Variants in MIGA1 observed in about 807,000 individuals in gnomAD.
MIGA1 encodes the protein family with sequence similarity 73, member A.
Under a neutral mutation model 82.0 loss-of-function variants are expected in MIGA1, and 58 were observed. The observed-to-expected ratio is 0.71, with a 90% CI of 0.57 to 0.88. MIGA1 has a LOEUF of 0.88. Ranked by LOEUF, MIGA1 falls within the 40% of genes least tolerant of loss-of-function variation. MIGA1 has a pLI of 0.00. For missense variants in MIGA1, 751 were observed against 749.1 expected (o/e 1.00, Z -0.03); for synonymous variants, 249 against 253.6 (o/e 0.98, Z 0.17).
chr1:77,858,115 T>A (rs1685331706), intron 8 of MIGA1, among the ~76,000 whole-genome samples: 1 of 152,182 alleles, frequency 6.6e-6, no homozygotes, highest in African/African-American at 2.4e-5. Flanking sequence ...TTTGGGAGGC[T>A]GAGGCAGGCG....
At position 77,813,961 on chromosome 1, in the gene MIGA1, C is replaced by G. The variant is rs996878221; in HGVS notation, c.771+94C>G. On this transcript the variant is annotated intron_variant, in intron 6 of 15. Coordinates refer to ENST00000370791, the MANE Select transcript of MIGA1 (RefSeq NM_198549.4). ...TAGAGGTAGGGTCTCACTGTTGTTA[C>G]CCAGGCTGAGTCTTGAACTCCTGGG... The G allele has an allele frequency of 9.6e-6, 13 of 1,355,218 alleles. No individual in the cohort carries two copies. In the Admixed American group the frequency reaches 1.6e-4, roughly 17 times the overall value. The allele number at this position is 1,355,218 out of a possible 1,614,324, so 83.9% of individuals were successfully genotyped here. A position where few individuals can be genotyped will look rare whatever the true frequency, so the allele number is the denominator to read the frequency against.
chr1:77,785,273 A>G (rs561901043), intron 2 of MIGA1, among the ~76,000 whole-genome samples: 84 of 152,264 alleles, frequency 5.5e-4, no homozygotes, highest in African/African-American at 1.9e-3. Flanking sequence ...GCTATTCCGA[A>G]TGGGAAAAAT....
intron 8 of MIGA1, chr1:77,848,414 T>G: frequency 1.1e-6 from 1 of 913,830 alleles, no homozygotes; most frequent in South Asian, 1.6e-5. Flanking sequence ...AAGAAAGATA[T>G]GAAAATAATG....
chr1:77,833,038 T>G (rs1684299391), intron 7 of MIGA1, among the ~76,000 whole-genome samples: 1 of 152,202 alleles, frequency 6.6e-6, no homozygotes. Context: ...TTATTCTTCT[T>G]TTTTGGTAAG....
At position 77,788,995 on chromosome 1, in the gene MIGA1, G is replaced by A. The variant is rs182143941; in HGVS notation, c.195+5644G>A. Among the ~76,000 whole-genome samples, 96 of 152,040 alleles carry A rather than the reference G, an allele frequency of 6.3e-4. 1 individual carries two copies. In the East Asian group the frequency reaches 0.014, roughly 23 times the overall value. ...TGCATTGAATCTGTAGATTGCTTTG[G>A]GTAGTATTGACATCTTAACAATGTT... On this transcript the variant is annotated intron_variant, in intron 2 of 15. Coordinates refer to ENST00000370791, the MANE Select transcript of MIGA1 (RefSeq NM_198549.4).
At chr1:77,824,392 G>A (rs921605458) in intron 7 of MIGA1, among the ~76,000 whole-genome samples, 7 of 151,950 alleles carry the variant, frequency 4.6e-5, no homozygotes, top group African/African-American at 9.7e-5. Context: ...CGAGATCCCC[G>A]TCTCTATAAA....
At chr1:77,869,939 ACGGGGCGGCTGGCCGGG>A (rs1685869841) in intron 14 of MIGA1, among the ~76,000 whole-genome samples, 1 of 113,196 alleles carries the variant, frequency 8.8e-6, no homozygotes, top group Non-Finnish European at 1.8e-5. Context: ...TCCCTCCCGG[ACGGGGCGGCTGGCCGGG>A]CGGGGGGCTG....
intron 7 of MIGA1, among the ~76,000 whole-genome samples, chr1:77,833,590 T>C (rs1360549147): frequency 2.0e-5 from 3 of 152,172 alleles, no homozygotes; most frequent in Non-Finnish European, 4.4e-5. Flanking sequence ...GGGCCATCCA[T>C]GTAAGCCCCT....
chr1:77,848,275 G>T, intron 8 of MIGA1: 2 of 1,342,154 alleles, frequency 1.5e-6, no homozygotes, highest in Non-Finnish European at 2.1e-6. Flanking sequence ...GGAAAAGGGA[G>T]AAAGATGGGG....
intron 15 of MIGA1, 75 bp from the exon 16 acceptor site, chr1:77,874,771 C>T: frequency 9.8e-7 from 1 of 1,019,310 alleles, no homozygotes; most frequent in Admixed American, 2.1e-5. Flanking sequence ...ATTCAGTGCT[C>T]ATTATAATAT....
intron 1 of MIGA1, 149 bp downstream of exon 1, chr1:77,779,885 G>A: frequency 7.0e-7 from 1 of 1,424,860 alleles, no homozygotes; most frequent in Non-Finnish European, 9.1e-7. Flanking sequence ...GTGGAGCGGC[G>A]GAAAGCCAGA....
chr1:77,873,395 A>G (rs903562996), intron 15 of MIGA1, among the ~76,000 whole-genome samples: 4 of 152,222 alleles, frequency 2.6e-5, no homozygotes, highest in African/African-American at 9.6e-5. Context: ...CCCTAATGCA[A>G]GGGATACATG....
chr1:77,850,898 T>G (rs775377781), intron 8 of MIGA1, among the ~76,000 whole-genome samples: 7 of 152,084 alleles, frequency 4.6e-5, no homozygotes, highest in Non-Finnish European at 8.8e-5. Context: ...AGATGGAGTT[T>G]TGCTCTTGTC....
rs531768748 is a variant in MIGA1, at chr1:77,845,340, G to A, written c.996+1933G>A. On this transcript the variant is annotated intron_variant, in intron 8 of 15. Transcript: ENST00000370791. The stretch of plus-strand genomic sequence containing the variant: ...TTCTGTAGATACTATGTCCTAGGTC[G>A]TTTGTAAGGAGAAAAATTGCTATTC... 1.2e-3 allele frequency among the ~76,000 whole-genome samples: 178 copies of A among 152,146 alleles called. 2 individuals carry two copies. Among genetic ancestry groups the A allele is most frequent in the Middle Eastern group, 3.4e-3 (1 of 294 alleles).
intron 7 of MIGA1, 70 bp downstream of exon 7, chr1:77,815,301 A>T: frequency 7.8e-7 from 1 of 1,286,078 alleles, no homozygotes; most frequent in Non-Finnish European, 1.0e-6. Context: ...AATCATCTGC[A>T]TAAGTGTCTG....
At chr1:77,843,808 T>G (rs1022514256) in intron 8 of MIGA1, among the ~76,000 whole-genome samples, 1 of 152,094 alleles carries the variant, frequency 6.6e-6, no homozygotes, top group African/African-American at 2.4e-5. Context: ...TATATAAATA[T>G]TCACTGTTGG....
chr1:77,871,576 C>T (rs1056411129), intron 14 of MIGA1, among the ~76,000 whole-genome samples: 2 of 151,946 alleles, frequency 1.3e-5, no homozygotes, highest in Non-Finnish European at 2.9e-5. Context: ...TAACCCCCGC[C>T]CCCCAGGAGA....
At chr1:77,822,289 A>G (rs1366885185) in intron 7 of MIGA1, among the ~76,000 whole-genome samples, 1 of 152,188 alleles carries the variant, frequency 6.6e-6, no homozygotes, top group East Asian at 1.9e-4. Flanking sequence ...GGCCGGGCAC[A>G]GTAACTCACA....
chr1:77,835,293 G>A (rs1684385054), intron 7 of MIGA1, among the ~76,000 whole-genome samples: 1 of 152,180 alleles, frequency 6.6e-6, no homozygotes, highest in Non-Finnish European at 1.5e-5. Flanking sequence ...TAGAATATGT[G>A]ACAATTGAGT....
Sources: gnomAD v4.1 joint callset for allele counts (sites outside exome capture counted in the v4.1 genomes callset) on GRCh38, gnomAD v4.1.1 for gene constraint, MANE v1.5 for transcripts, NCBI Gene and HGNC (gene_info 2026-07-23, HGNC 2026-07-21) for gene names.